The following FERMT2 variants were observed in gnomAD, a reference collection of about 807,000 sequenced individuals.
FERMT2 encodes fermitin family homolog 2.
A neutral mutation model predicts 82.7 loss-of-function variants in FERMT2; 15 were observed. The observed-to-expected ratio is 0.18, with a 90% confidence interval of 0.12 to 0.28. The LOEUF is 0.28. Ranked by LOEUF, FERMT2 falls within the 10% of genes least tolerant of loss-of-function variation. The pLI, the probability that FERMT2 is intolerant of heterozygous loss-of-function variation, is 1.00. For missense variants in FERMT2, 645 were observed against 809.4 expected, an observed-to-expected ratio of 0.80 and a Z score of 2.46; for synonymous variants, 274 against 271.5, an observed-to-expected ratio of 1.01 and a Z score of -0.09.
chr14:52,950,585 C>A lies in FERMT2; in HGVS notation c.-9-8G>T, dbSNP rs201588603. On this transcript the variant is annotated splice_region_variant and splice_polypyrimidine_tract_variant and intron_variant, in intron 1 of 14. Transcript: ENST00000341590. ...CAGAGCCATGGCTCCTTCCTGCGAG[C>A]GCGGAGGAAATGGCTCTCGTAAGCG... 55 of 1,610,006 alleles carry A rather than the reference C, an allele frequency of 3.4e-5. No individual in the cohort carries two copies. In the African/African-American group the frequency reaches 7.2e-4, roughly 21 times the overall value.
rs117040835 is a variant in FERMT2, at chr14:52,900,721, T to C, written c.392-7294A>G. 3.7e-3 allele frequency among the ~76,000 whole-genome samples: 556 copies of C among 152,008 alleles called. 23 individuals are homozygous for C. The East Asian group carries it at 0.096, about 26-fold the overall frequency. On this transcript the variant is annotated intron_variant, in intron 3 of 14. Coordinates refer to ENST00000341590, the MANE Select transcript of FERMT2 (RefSeq NM_006832.3). ...ATCAAACTGAGGCACAGAAAACAGA[T>C]AGACTACCTGAAAAAATTTAGTCCG...
At chr14:52,916,826 G>T (rs1005222222) in intron 3 of FERMT2, among the ~76,000 whole-genome samples, 2 of 152,168 alleles carry the variant, frequency 1.3e-5, no homozygotes, top group Admixed American at 1.3e-4. Flanking sequence ...GCTCAACTTT[G>T]CTGTGAACCT....
At chr14:52,919,011 T>C (rs1340232676) in intron 3 of FERMT2, 112 bp downstream of exon 3, 2 of 678,568 alleles carry the variant, frequency 2.9e-6, no homozygotes, top group Non-Finnish European at 5.1e-6. Flanking sequence ...CACACATACA[T>C]ATATACAGAT....
chr14:52,929,410 G>A (rs1411799417), intron 2 of FERMT2, among the ~76,000 whole-genome samples: 3 of 152,072 alleles, frequency 2.0e-5, no homozygotes, highest in Admixed American at 6.6e-5. Context: ...TCTTTTCAGC[G>A]CTTTCATGCC....
intron 2 of FERMT2, among the ~76,000 whole-genome samples, chr14:52,939,904 A>T (rs544287569): frequency 6.6e-6 from 1 of 152,378 alleles, no homozygotes. Context: ...CTTACCCAGT[A>T]GACAACTTCA....
chr14:52,927,172 AG>A (rs2139662725), intron 2 of FERMT2, among the ~76,000 whole-genome samples: 1 of 152,306 alleles, frequency 6.6e-6, no homozygotes, highest in African/African-American at 2.4e-5. Flanking sequence ...AAGGAACAGA[AG>A]GCTTGGGTTT....
At chr14:52,888,934 T>TGACG (rs1886765862) in intron 4 of FERMT2, among the ~76,000 whole-genome samples, 1 of 152,202 alleles carries the variant, frequency 6.6e-6, no homozygotes, top group Non-Finnish European at 1.5e-5. Flanking sequence ...CTCTGGCCAC[T>TGACG]GACGTATTTG....
intron 2 of FERMT2, among the ~76,000 whole-genome samples, chr14:52,944,278 C>A (rs1278085448): frequency 6.6e-6 from 1 of 152,158 alleles, no homozygotes; most frequent in African/African-American, 2.4e-5. Flanking sequence ...CTACTCCACC[C>A]CCAAGATTTA....
At chr14:52,949,584 A>G (rs1890520852) in intron 2 of FERMT2, among the ~76,000 whole-genome samples, 1 of 152,196 alleles carries the variant, frequency 6.6e-6, no homozygotes. Context: ...TCATCTATTT[A>G]GCTGACTCTT....
At chr14:52,938,135 T>C (rs1002314837) in intron 2 of FERMT2, among the ~76,000 whole-genome samples, 8 of 152,192 alleles carry the variant, frequency 5.3e-5, no homozygotes, top group Non-Finnish European at 1.0e-4. Context: ...ACCCAGTCAG[T>C]GACTTCAAGG....
chr14:52,919,327 G>A lies in FERMT2; in HGVS notation c.187C>T (p.Leu63Phe), dbSNP rs773562106. Residue 63 changes from leucine (L) to phenylalanine (F), a missense_variant, in exon 3 of 15, where the codon CTC (leucine) becomes TTC (phenylalanine). Transcript: ENST00000341590. Reference protein sequence around the residue: ...DVKKDWSDHALWWEKKRTWLL... With the variant: ...DVKKDWSDHAFWWEKKRTWLL... ...CAAGTTCTCTTCTTTTCCCACCAGA[G>A]AGCATGGTCAGACCAATCTTTTTTT... 2 of 1,613,010 alleles carry A rather than the reference G, an allele frequency of 1.2e-6. No homozygotes were observed. Among genetic ancestry groups the A allele is most frequent in the Non-Finnish European group, 1.7e-6 (2 of 1,179,204 alleles).
chr14:52,876,773 G>C (rs1885979566), intron 7 of FERMT2, among the ~76,000 whole-genome samples: 1 of 152,080 alleles, frequency 6.6e-6, no homozygotes, highest in African/African-American at 2.4e-5. Context: ...TCGGAGTATA[G>C]GTTCTCTCTG....
In FERMT2 at chr14:52,858,232, A is replaced by G. The variant is rs1414930673; in HGVS notation, c.*145T>C. The G allele has an allele frequency of 1.5e-6, 1 of 645,562 alleles. No individual in the cohort carries two copies. The highest frequency in any genetic ancestry group is 1.8e-5 in the African/African-American group (1 of 54,392). 40.0% of individuals were successfully genotyped at this position (645,562 alleles called of 1,614,324 possible). ...ATTAATAGTCGTGCTTGTTTAGTGCACATATTAACTGGTCTGGTAAGGCAA... is the reference window on the plus strand; with the variant it reads ...ATTAATAGTCGTGCTTGTTTAGTGCGCATATTAACTGGTCTGGTAAGGCAA... On this transcript the variant is annotated 3_prime_UTR_variant, in exon 15 of 15. Transcript: ENST00000341590.
chr14:52,868,312 C>G (rs188292935), intron 10 of FERMT2, among the ~76,000 whole-genome samples: 198 of 151,882 alleles, frequency 1.3e-3, no homozygotes, highest in African/African-American at 4.4e-3. Flanking sequence ...TCCTGAGTAG[C>G]TGGGATTACA....
chr14:52,862,377 G>GTCTAT (rs1313178816), intron 12 of FERMT2, among the ~76,000 whole-genome samples: 1 of 151,940 alleles, frequency 6.6e-6, no homozygotes, highest in African/African-American at 2.4e-5. Context: ...CAATTTGTAA[G>GTCTAT]TCTATTCCAG....
intron 3 of FERMT2, among the ~76,000 whole-genome samples, chr14:52,894,215 T>G (rs1566735309): frequency 6.6e-6 from 1 of 152,176 alleles, no homozygotes; most frequent in Non-Finnish European, 1.5e-5. Flanking sequence ...AGGAGTCTGA[T>G]AACAAGGAAA....
chr14:52,884,130 C>T (rs1413965242), intron 4 of FERMT2, among the ~76,000 whole-genome samples: 6 of 152,236 alleles, frequency 3.9e-5, no homozygotes, highest in Non-Finnish European at 8.8e-5. Flanking sequence ...GTATCTTCTT[C>T]AATTCATACT....
chr14:52,920,869 G>A (rs1302191636), intron 2 of FERMT2, among the ~76,000 whole-genome samples: 1 of 151,994 alleles, frequency 6.6e-6, no homozygotes, highest in Non-Finnish European at 1.5e-5. Flanking sequence ...GACTGAACCT[G>A]GGAGGTAGAT....
chr14:52,866,507 A>C (rs1162019905), intron 10 of FERMT2, among the ~76,000 whole-genome samples: 1 of 152,164 alleles, frequency 6.6e-6, no homozygotes, highest in Non-Finnish European at 1.5e-5. Context: ...TCTCCTAGCA[A>C]AATCTGCACC....
Sources: allele counts gnomAD v4.1 joint callset (sites outside exome capture counted in the v4.1 genomes callset), GRCh38; gene constraint gnomAD v4.1.1; transcripts MANE v1.5; gene names NCBI Gene and HGNC (gene_info 2026-07-23, HGNC 2026-07-21).